Variants in PCDH15 observed in about 807,000 individuals in gnomAD.
PCDH15 encodes protocadherin-15.
Under a neutral mutation model 178.5 loss-of-function variants are expected in PCDH15, and 129 were observed. The observed-to-expected ratio is 0.72, with a 90% CI of 0.63 to 0.84. The LOEUF is 0.84. Ranked by LOEUF, PCDH15 falls within the 40% of genes least tolerant of loss-of-function variation. The probability of loss-of-function intolerance (pLI) is 0.00; values close to 1 mark genes in which losing one functional copy is unlikely to be tolerated. For missense variants in PCDH15, 2,230 were observed against 2,099.9 expected (o/e 1.06, Z -1.21); for synonymous variants, 800 against 732.0 (o/e 1.09, Z -1.50).
intron 13 of PCDH15, among the ~76,000 whole-genome samples, chr10:54,177,393 C>T (rs1220038810): frequency 1.3e-5 from 2 of 151,800 alleles, no homozygotes; most frequent in Admixed American, 6.6e-5. Flanking sequence ...AATGAAGCAC[C>T]GAGAGTGAAT....
rs577599337 is a variant in PCDH15, at chr10:54,878,214, C to T, written c.-29+19236G>A. 2.6e-5 allele frequency among the ~76,000 whole-genome samples: 4 copies of T among 152,128 alleles called. No homozygotes were observed. In the South Asian group the frequency reaches 6.2e-4, roughly 24 times the overall value. On this transcript the variant is annotated intron_variant, in intron 3 of 5. Transcript: ENST00000458638. ...CTGACCTCAGGTGATCCACCTGCCT[C>T]GCCCTCCCAAAGTGCTGGGATTACA...
rs559651344 is a variant in PCDH15, at chr10:54,346,303, T to G, written c.594+62A>C. On this transcript the variant is annotated intron_variant, in intron 6 of 37. Coordinates refer to ENST00000644397, the MANE Select transcript of PCDH15 (RefSeq NM_001384140.1). ...ACTGAATAATACAATAACTATCAGCTGAAAAAATCATTAATTTTATTCCTT... is the reference window on the plus strand; with the variant it reads ...ACTGAATAATACAATAACTATCAGCGGAAAAAATCATTAATTTTATTCCTT... 12 of 1,514,746 alleles carry G rather than the reference T, an allele frequency of 7.9e-6. No individual in the cohort carries two copies. In the East Asian group the frequency reaches 2.7e-4, roughly 34 times the overall value. The allele number at this position is 1,514,746 out of a possible 1,614,324, so 93.8% of individuals were successfully genotyped here. A position where few individuals can be genotyped will look rare whatever the true frequency, so the allele number is the denominator to read the frequency against.
intron 2 of PCDH15, among the ~76,000 whole-genome samples, chr10:55,026,045 T>G (rs1479986470): frequency 6.6e-6 from 1 of 152,020 alleles, no homozygotes; most frequent in Non-Finnish European, 1.5e-5. Flanking sequence ...AAGTGAGAGA[T>G]AAGCTTGTAA....
intron 2 of PCDH15, among the ~76,000 whole-genome samples, chr10:55,387,054 T>A (rs899809278): frequency 2.0e-5 from 3 of 152,114 alleles, no homozygotes; most frequent in African/African-American, 7.2e-5. Context: ...GGAAGCTGAT[T>A]CATTTTTACA....
In PCDH15 at chr10:54,457,198, A is replaced by G. The variant is rs565875645; in HGVS notation, c.157+70614T>C. The stretch of plus-strand genomic sequence containing the variant: ...ACAATTTTGTATATGGTACAAAAGT[A>G]TCTATTGTAGATGACTAATTTCAAC... On this transcript the variant is annotated intron_variant, in intron 3 of 37. Transcript: ENST00000644397. Among the ~76,000 whole-genome samples the G allele has an allele frequency of 2.2e-3, 331 of 152,306 alleles. 1 individual carries two copies. Among genetic ancestry groups the G allele is most frequent in the African/African-American group, 7.4e-3 (309 of 41,584 alleles).
chr10:55,306,906 A>C (rs2132284226), intron 1 of PCDH15, among the ~76,000 whole-genome samples: 1 of 152,262 alleles, frequency 6.6e-6, no homozygotes, highest in Non-Finnish European at 1.5e-5. Flanking sequence ...ATCTTCTTGA[A>C]GACGTGGGAA....
At chr10:54,445,072 C>T (rs1404185674) in intron 3 of PCDH15, among the ~76,000 whole-genome samples, 1 of 151,082 alleles carries the variant, frequency 6.6e-6, no homozygotes, top group East Asian at 2.0e-4. Context: ...TACTGCTTGT[C>T]CTGGGTTCCA....
At chr10:54,277,041 C>T (rs905940426) in intron 8 of PCDH15, among the ~76,000 whole-genome samples, 3 of 151,486 alleles carry the variant, frequency 2.0e-5, no homozygotes, top group Non-Finnish European at 3.0e-5. Context: ...AAATTCAGCA[C>T]GTTTTTTTTC....
chr10:54,566,966 T>C (rs952798386), intron 2 of PCDH15, among the ~76,000 whole-genome samples: 8 of 152,154 alleles, frequency 5.3e-5, no homozygotes, highest in African/African-American at 1.9e-4. Flanking sequence ...ATGGGACTTC[T>C]TCTTGCTCCA....
intron 2 of PCDH15, among the ~76,000 whole-genome samples, chr10:55,476,119 A>T (rs1164658932): frequency 6.6e-6 from 1 of 152,140 alleles, no homozygotes; most frequent in Non-Finnish European, 1.5e-5. Flanking sequence ...GTGCAATAAC[A>T]GTAGAGGCTC....
chr10:54,060,872 T>G (rs771429638), intron 18 of PCDH15, among the ~76,000 whole-genome samples: 6 of 151,936 alleles, frequency 3.9e-5, no homozygotes, highest in Admixed American at 6.6e-5. Context: ...AGATGAGAAG[T>G]CCGGGATCCC....
At chr10:55,423,303 C>T (rs924854172) in intron 2 of PCDH15, among the ~76,000 whole-genome samples, 8 of 151,782 alleles carry the variant, frequency 5.3e-5, no homozygotes, top group South Asian at 2.1e-4. Flanking sequence ...AACAGAATTC[C>T]TCGAAGTAGG....
intron 2 of PCDH15, among the ~76,000 whole-genome samples, chr10:54,657,170 G>A (rs888214038): frequency 1.3e-5 from 2 of 152,210 alleles, no homozygotes; most frequent in Non-Finnish European, 2.9e-5. Flanking sequence ...GTCTCCAGCT[G>A]CACTATGGCC....
intron 5 of PCDH15, among the ~76,000 whole-genome samples, chr10:54,360,597 A>G (rs549838312): frequency 2.0e-5 from 3 of 152,218 alleles, no homozygotes; most frequent in African/African-American, 7.2e-5. Context: ...GTGGGATTCT[A>G]TAGAAAAGTT....
intron 1 of PCDH15, among the ~76,000 whole-genome samples, chr10:54,746,924 T>C (rs948655677): frequency 8.5e-5 from 13 of 152,348 alleles, no homozygotes; most frequent in Middle Eastern, 3.4e-3. Context: ...TTTTTGACTT[T>C]ACATTGGGTT....
chr10:54,372,765 T>C (rs759469997), intron 4 of PCDH15, among the ~76,000 whole-genome samples: 1 of 151,942 alleles, frequency 6.6e-6, no homozygotes, highest in Non-Finnish European at 1.5e-5. Flanking sequence ...TATAACTATT[T>C]AAAACTATTA....
intron 9 of PCDH15, among the ~76,000 whole-genome samples, chr10:54,221,618 T>G (rs1241254640): frequency 6.6e-6 from 1 of 152,038 alleles, no homozygotes; most frequent in Non-Finnish European, 1.5e-5. Context: ...TTTTTTTAAT[T>G]TTGAGAAAGA....
chr10:55,198,548 G>A lies in PCDH15; in HGVS notation c.-155-31897C>T, dbSNP rs181479460. On this transcript the variant is annotated intron_variant, in intron 1 of 5. Transcript: ENST00000458638. Reference sequence around the variant, plus strand: ...GTCGCCCAAGCTGGAGAGCAGTGGCGCGATAACAGCTCACTGCAAGCTCCG... The same window carrying A: ...GTCGCCCAAGCTGGAGAGCAGTGGCACGATAACAGCTCACTGCAAGCTCCG... Among the ~76,000 whole-genome samples the A allele has an allele frequency of 2.6e-3, 400 of 152,080 alleles. 5 individuals carry two copies. Among genetic ancestry groups the A allele is most frequent in the African/African-American group, 8.8e-3 (363 of 41,440 alleles).
At chr10:55,302,524 C>A (rs1274645894) in intron 1 of PCDH15, among the ~76,000 whole-genome samples, 2 of 152,074 alleles carry the variant, frequency 1.3e-5, no homozygotes, top group Non-Finnish European at 2.9e-5. Flanking sequence ...CCTAGAGTGT[C>A]AAGACAGGCT....
Sources: allele counts gnomAD v4.1 joint callset (sites outside exome capture counted in the v4.1 genomes callset), GRCh38; gene constraint gnomAD v4.1.1; transcripts MANE v1.5; gene names NCBI Gene and HGNC (gene_info 2026-07-23, HGNC 2026-07-21).